Variants in GSDMC observed in about 807,000 individuals in gnomAD.
The protein encoded by GSDMC is gasdermin-C.
Under a neutral mutation model 58.0 loss-of-function variants are expected in GSDMC, and 59 were observed. The ratio of observed to expected loss-of-function variants is 1.02; its 90% CI spans 0.82 to 1.26. GSDMC has a LOEUF of 1.26. Among genes scored for constraint, GSDMC ranks in the 50% most tolerant of loss-of-function variants. The probability of loss-of-function intolerance (pLI) is 0.00; values close to 1 mark genes in which losing one functional copy is unlikely to be tolerated. For synonymous variants in GSDMC, 241 were observed against 220.2 expected (o/e 1.09, Z -0.83); for missense variants, 659 against 598.5 (o/e 1.10, Z -1.06).
At chr8:129,785,383 G>A (rs2034527916) in intron 1 of GSDMC, among the ~76,000 whole-genome samples, 1 of 151,480 alleles carries the variant, frequency 6.6e-6, no homozygotes, top group African/African-American at 2.4e-5. Context: ...GGTTACCAGA[G>A]GCTGGGAAAG....
chr8:129,708,631 G>A, the GSDMC span, among the ~76,000 whole-genome samples: 14 of 152,262 alleles, frequency 9.2e-5, no homozygotes, highest in Non-Finnish European at 1.8e-4. Context: ...TCATGGGAAC[G>A]GAAGTCAGGG....
the GSDMC span, among the ~76,000 whole-genome samples, chr8:129,738,068 G>T: frequency 6.6e-6 from 1 of 152,218 alleles, no homozygotes; most frequent in Non-Finnish European, 1.5e-5. Context: ...GTGAAAAAAT[G>T]CTCATCATCA....
chr8:129,745,888 C>A (rs1563781656), downstream of GSDMC, among the ~76,000 whole-genome samples: 1 of 101,068 alleles, frequency 9.9e-6, no homozygotes, highest in Admixed American at 1.1e-4. Flanking sequence ...CCAGGTGAGC[C>A]CTCCTGCCGT....
chr8:129,747,550 C>T (rs1024397828), downstream of GSDMC, among the ~76,000 whole-genome samples: 2 of 152,138 alleles, frequency 1.3e-5, no homozygotes, highest in Non-Finnish European at 2.9e-5. Flanking sequence ...TCTGATGAGA[C>T]GTCATATTTA....
At chr8:129,719,984 C>T in the GSDMC span, among the ~76,000 whole-genome samples, 1 of 152,262 alleles carries the variant, frequency 6.6e-6, no homozygotes, top group East Asian at 1.9e-4. Context: ...CACATAACTA[C>T]TCCAATAACA....
chr8:129,777,299 G>A, intron 2 of GSDMC, 69 bp downstream of exon 2: 1 of 926,442 alleles, frequency 1.1e-6, no homozygotes. Flanking sequence ...ATCTTTGGAT[G>A]GTGGGCCATC....
the GSDMC span, among the ~76,000 whole-genome samples, chr8:129,712,999 G>T: frequency 6.6e-6 from 1 of 152,342 alleles, no homozygotes; most frequent in Non-Finnish European, 1.5e-5. Context: ...GAGGAGGCTG[G>T]CCTCTGGTAA....
intron 1 of GSDMC, among the ~76,000 whole-genome samples, chr8:129,782,564 G>T (rs904056083): frequency 1.3e-5 from 2 of 152,038 alleles, no homozygotes; most frequent in Non-Finnish European, 2.9e-5. Flanking sequence ...AGGATTATTG[G>T]CAGCTACTAT....
At chr8:129,712,128 A>T in the GSDMC span, among the ~76,000 whole-genome samples, 1 of 152,194 alleles carries the variant, frequency 6.6e-6, no homozygotes, top group African/African-American at 2.4e-5. Flanking sequence ...AATAATAATA[A>T]CAATAATAAT....
chr8:129,715,489 A>G, the GSDMC span, among the ~76,000 whole-genome samples: 4 of 152,212 alleles, frequency 2.6e-5, no homozygotes, highest in African/African-American at 9.6e-5. Context: ...TGAAATCAGT[A>G]AACCCACAGA....
chr8:129,752,935 G>T, intron 6 of GSDMC, 115 bp from the exon 7 acceptor site: 1 of 1,513,964 alleles, frequency 6.6e-7, no homozygotes, highest in Non-Finnish European at 8.9e-7. Flanking sequence ...TGCACGAAGG[G>T]AGCATTTGAA....
intron 1 of GSDMC, 54 bp from the exon 2 acceptor site, chr8:129,777,645 C>A: frequency 2.2e-6 from 2 of 898,580 alleles, no homozygotes; most frequent in Non-Finnish European, 3.7e-6. Context: ...AATGGTTAAA[C>A]TCTCACCAAT....
chr8:129,728,937 G>T, the GSDMC span: 166,395 of 661,778 alleles, frequency 0.25, 30,128 homozygotes, highest in African/African-American at 0.65. Context: ...GAGGCCCGAG[G>T]TGGTGGCGGT....
At chr8:129,778,209 A>T (rs1220609640) in intron 1 of GSDMC, among the ~76,000 whole-genome samples, 6 of 152,194 alleles carry the variant, frequency 3.9e-5, no homozygotes, top group Non-Finnish European at 7.3e-5. Flanking sequence ...TATGTGGAGA[A>T]AAGAATTCCA....
chr8:129,744,191 G>A (rs2032918892), downstream of GSDMC, among the ~76,000 whole-genome samples: 1 of 152,116 alleles, frequency 6.6e-6, no homozygotes, highest in African/African-American at 2.4e-5. Flanking sequence ...TGTGCTCCAG[G>A]CAGAAACCTG....
In GSDMC at chr8:129,752,692, C is replaced by A. The variant is rs2033259273; in HGVS notation, c.844+6G>T. 1 of 1,613,974 alleles carries A rather than the reference C, an allele frequency of 6.2e-7. No individual in the cohort carries two copies. The highest frequency in any genetic ancestry group is 1.3e-5 in the African/African-American group (1 of 74,924). ...GAAGTAAAAATAAAGTGAGCAATCA[C>A]AGTACCTGGTTTTAACTTCATATCA... On this transcript the variant is annotated splice_donor_region_variant and intron_variant, in intron 7 of 13. Coordinates refer to ENST00000276708, the MANE Select transcript of GSDMC (RefSeq NM_031415.3).
chr8:129,714,591 A>AT, the GSDMC span, among the ~76,000 whole-genome samples: 4 of 152,224 alleles, frequency 2.6e-5, no homozygotes, highest in African/African-American at 9.7e-5. Context: ...TTCAAGTTTC[A>AT]TTTTGTCCAA....
In GSDMC at chr8:129,762,571, A is replaced by G. The variant is rs1298651222; in HGVS notation, c.676+55T>C. On this transcript the variant is annotated intron_variant, in intron 5 of 13. Coordinates refer to ENST00000276708, the MANE Select transcript of GSDMC (RefSeq NM_031415.3). Reference sequence around the variant, plus strand: ...ATTTTCCTCTCATTTCTCTCATAGGAGAAGCAGACACCCCCTCCACTGCCA... The same window carrying G: ...ATTTTCCTCTCATTTCTCTCATAGGGGAAGCAGACACCCCCTCCACTGCCA... 3.0e-6 allele frequency: 3 copies of G among 1,004,894 alleles called. No individual in the cohort carries two copies. The Admixed American group carries it at 5.1e-5, about 17-fold the overall frequency. The allele number at this position is 1,004,894 out of a possible 1,614,324, so 62.2% of individuals were successfully genotyped here. A position where few individuals can be genotyped will look rare whatever the true frequency, so the allele number is the denominator to read the frequency against.
In GSDMC at chr8:129,749,451, C is replaced by A; in HGVS notation, c.1287+1G>T. The A allele has an allele frequency of 6.2e-7, 1 of 1,610,756 alleles. No individual in the cohort carries two copies. Among genetic ancestry groups the A allele is most frequent in the Middle Eastern group, 1.7e-4 (1 of 6,058 alleles). On this transcript the variant is annotated splice_donor_variant, in intron 13 of 13. Coordinates refer to ENST00000276708, the MANE Select transcript of GSDMC (RefSeq NM_031415.3). LOFTEE classifies it high-confidence loss of function. ...ACTTCTGGCCCCTGGGAAGTTCTCA[C>A]CAGCTCCTGTTGCTGAAGCAGGATC...
Sources: gnomAD v4.1 joint callset for allele counts (sites outside exome capture counted in the v4.1 genomes callset) on GRCh38, gnomAD v4.1.1 for gene constraint, MANE v1.5 for transcripts, NCBI Gene and HGNC (gene_info 2026-07-23, HGNC 2026-07-21) for gene names.